The following RUNX2 variants were observed in gnomAD, a reference collection of about 807,000 sequenced individuals.
The protein encoded by RUNX2 is runt-related transcription factor 2.
A neutral mutation model predicts 51.7 loss-of-function variants in RUNX2; 10 were observed. That is an observed-to-expected ratio of 0.19 (90% confidence interval 0.12 to 0.33). The LOEUF (loss-of-function observed/expected upper bound fraction) is 0.33. Ranked by LOEUF, RUNX2 falls within the 10% of genes least tolerant of loss-of-function variation. The pLI is 1.00. For synonymous variants in RUNX2, 276 were observed against 273.6 expected (o/e 1.01, Z -0.09); for missense variants, 562 against 691.3 (o/e 0.81, Z 2.10).
intron 2 of RUNX2, among the ~76,000 whole-genome samples, chr6:45,330,329 C>T (rs906405644): frequency 6.6e-6 from 1 of 151,748 alleles, no homozygotes; most frequent in Non-Finnish European, 1.5e-5. Flanking sequence ...GCTTATACAT[C>T]GAAAGTTTTG....
chr6:45,344,827 GCC>G, intron 2 of RUNX2, among the ~76,000 whole-genome samples: 1 of 152,122 alleles, frequency 6.6e-6, no homozygotes, highest in African/African-American at 2.4e-5. Flanking sequence ...AATGCAGTAA[GCC>G]AAGATTCAGA....
intron 6 of RUNX2, among the ~76,000 whole-genome samples, chr6:45,502,855 G>A (rs769370379): frequency 7.9e-5 from 12 of 152,226 alleles, no homozygotes; most frequent in Non-Finnish European, 1.6e-4. Flanking sequence ...AGATTAAAAT[G>A]TCTAGCATGG....
chr6:45,439,686 T>G (rs1456516489), intron 5 of RUNX2, among the ~76,000 whole-genome samples: 1 of 151,930 alleles, frequency 6.6e-6, no homozygotes, highest in African/African-American at 2.4e-5. Context: ...TGTGTGTGTA[T>G]GTGTGTGTGT....
At position 45,403,248 on chromosome 6, in the gene RUNX2, T is replaced by TTG. The variant is rs1554380561; in HGVS notation, c.59-19344_59-19343insGT. On this transcript the variant is annotated intron_variant, in intron 2 of 8. Transcript: ENST00000647337. ...GAGTTTCTTTTTTTTTTTTTTTTTT[T>TTG]TTGAGACGGAGTTTTGCTCTTGTTG... Among the ~76,000 whole-genome samples the TTG allele has an allele frequency of 1.0e-4, 15 of 144,730 alleles. 1 individual carries two copies. Among genetic ancestry groups the TTG allele is most frequent in the South Asian group, 9.1e-4 (4 of 4,412 alleles). The allele number at this position is 144,730 out of a possible 152,430, so 94.9% of individuals were successfully genotyped here.
chr6:45,509,749 T>C (rs1801086226), intron 6 of RUNX2, among the ~76,000 whole-genome samples: 1 of 152,242 alleles, frequency 6.6e-6, no homozygotes, highest in Admixed American at 6.5e-5. Context: ...AACTGTATCT[T>C]ACATCCAGGT....
At chr6:45,442,909 A>G (rs1252727150) in intron 5 of RUNX2, among the ~76,000 whole-genome samples, 1 of 152,034 alleles carries the variant, frequency 6.6e-6, no homozygotes, top group Non-Finnish European at 1.5e-5. Context: ...ATCTCTTTCC[A>G]TATAATCCTG....
intron 2 of RUNX2, among the ~76,000 whole-genome samples, chr6:45,353,502 G>A (rs748753136): frequency 1.3e-5 from 2 of 152,088 alleles, no homozygotes; most frequent in South Asian, 2.1e-4. Context: ...ATCTGATAAA[G>A]GTAGTATTTC....
chr6:45,503,881 A>G (rs1460812793), intron 6 of RUNX2, among the ~76,000 whole-genome samples: 2 of 152,198 alleles, frequency 1.3e-5, no homozygotes, highest in Non-Finnish European at 2.9e-5. Context: ...ATGATATCTT[A>G]GGCCATACAT....
intron 5 of RUNX2, among the ~76,000 whole-genome samples, chr6:45,478,359 T>C (rs1800016717): frequency 1.3e-5 from 2 of 152,260 alleles, no homozygotes; most frequent in Non-Finnish European, 1.5e-5. Context: ...CATTTTCACC[T>C]CTTATTACAT....
chr6:45,537,441 C>T (rs980509924), intron 7 of RUNX2, among the ~76,000 whole-genome samples: 9 of 152,300 alleles, frequency 5.9e-5, no homozygotes, highest in South Asian at 2.1e-4. Context: ...GTAACTTCGA[C>T]GAAATCACTT....
chr6:45,371,356 T>A (rs1356315986), intron 2 of RUNX2, among the ~76,000 whole-genome samples: 1 of 151,872 alleles, frequency 6.6e-6, no homozygotes, highest in East Asian at 1.9e-4. Flanking sequence ...ATAGAGGAAT[T>A]TGGAGTTTAT....
Position 45,356,228 on chromosome 6 carries a change from A to T in RUNX2, c.58+27444A>T, listed in dbSNP as rs552629903. 1.1e-4 allele frequency among the ~76,000 whole-genome samples: 17 copies of T among 152,196 alleles called. No homozygotes were observed. The South Asian group carries it at 1.9e-3, about 17-fold the overall frequency. On this transcript the variant is annotated intron_variant, in intron 2 of 8. Coordinates refer to ENST00000647337, the MANE Select transcript of RUNX2 (RefSeq NM_001024630.4). ...GTATTTCACAGCTAAGGTTTTTTTT[A>T]AAATCTACATAGGTGTCCAAAAAAG...
chr6:45,472,074 T>C (rs897772547), intron 5 of RUNX2, among the ~76,000 whole-genome samples: 1 of 152,202 alleles, frequency 6.6e-6, no homozygotes, highest in Non-Finnish European at 1.5e-5. Flanking sequence ...CTGAAGCTTG[T>C]TTGATAGTAA....
At chr6:45,445,686 G>A (rs1228351250) in intron 5 of RUNX2, among the ~76,000 whole-genome samples, 1 of 152,166 alleles carries the variant, frequency 6.6e-6, no homozygotes, top group Non-Finnish European at 1.5e-5. Context: ...GCAAATACAA[G>A]CAGCAATTTG....
At chr6:45,449,648 G>A (rs1215710991) in intron 5 of RUNX2, among the ~76,000 whole-genome samples, 2 of 152,216 alleles carry the variant, frequency 1.3e-5, no homozygotes. Flanking sequence ...TGCTGCAGTA[G>A]CATCGCTGAA....
At chr6:45,339,305 G>A (rs372799818) in intron 2 of RUNX2, among the ~76,000 whole-genome samples, 3 of 152,120 alleles carry the variant, frequency 2.0e-5, no homozygotes, top group Non-Finnish European at 4.4e-5. Flanking sequence ...CTTGTGGAGA[G>A]AAAGCCTTCA....
chr6:45,421,330 A>G (rs1263470324), intron 2 of RUNX2: 1 of 152,208 alleles, frequency 6.6e-6, no homozygotes, highest in Non-Finnish European at 1.5e-5. Context: ...GATTGAATAT[A>G]TAAGAAAAAA....
intron 4 of RUNX2, among the ~76,000 whole-genome samples, chr6:45,437,194 T>C (rs1443380764): frequency 6.6e-6 from 1 of 152,230 alleles, no homozygotes; most frequent in Non-Finnish European, 1.5e-5. Context: ...TCAGATGTAA[T>C]ATTTCAATGA....
chr6:45,343,329 C>T (rs530191640), intron 2 of RUNX2, among the ~76,000 whole-genome samples: 6 of 152,196 alleles, frequency 3.9e-5, no homozygotes, highest in African/African-American at 1.4e-4. Flanking sequence ...GGTGAAACCC[C>T]TTCTCTACTA....
Sources: allele counts gnomAD v4.1 joint callset (sites outside exome capture counted in the v4.1 genomes callset), GRCh38; gene constraint gnomAD v4.1.1; transcripts MANE v1.5; gene names NCBI Gene and HGNC (gene_info 2026-07-23, HGNC 2026-07-21).